PRICKLE1: variants seen among roughly 807,000 people sequenced by gnomAD.
The protein encoded by PRICKLE1 is prickle-like protein 1.
In PRICKLE1, 14 loss-of-function variants were observed where a neutral mutation model predicts 70.2. The ratio of observed to expected loss-of-function variants is 0.20; its 90% CI spans 0.13 to 0.31. The LOEUF is 0.31. Ranked by LOEUF, PRICKLE1 falls within the 10% of genes least tolerant of loss-of-function variation. The pLI is 1.00. For synonymous variants in PRICKLE1, 357 were observed against 379.9 expected, an observed-to-expected ratio of 0.94 and a Z score of 0.70; for missense variants, 821 against 1,026.2, an observed-to-expected ratio of 0.80 and a Z score of 2.73.
chr12:42,559,899 C>CCA (rs1230754478), intron 1 of PRICKLE1, among the ~76,000 whole-genome samples: 13 of 151,614 alleles, frequency 8.6e-5, no homozygotes, highest in Admixed American at 5.9e-4. Flanking sequence ...AGTTTGGAGC[C>CCA]TGTGCTGAAG....
At chr12:42,564,382 G>A (rs1337085897) in intron 1 of PRICKLE1, among the ~76,000 whole-genome samples, 3 of 152,040 alleles carry the variant, frequency 2.0e-5, no homozygotes, top group Non-Finnish European at 2.9e-5. Flanking sequence ...TGAGGCAGGC[G>A]GATCACCTGA....
At chr12:42,504,653 G>A (rs1312632300) in intron 1 of PRICKLE1, among the ~76,000 whole-genome samples, 1 of 152,188 alleles carries the variant, frequency 6.6e-6, no homozygotes, top group African/African-American at 2.4e-5. Flanking sequence ...GGATACAGAG[G>A]TGTCTCAGGC....
intron 1 of PRICKLE1, among the ~76,000 whole-genome samples, chr12:42,477,213 A>G (rs1938575976): frequency 6.6e-6 from 1 of 151,676 alleles, no homozygotes; most frequent in Non-Finnish European, 1.5e-5. Context: ...TCTCTACTAA[A>G]AATACAAAAT....
chr12:42,567,796 C>CAA (rs34315516), intron 1 of PRICKLE1, among the ~76,000 whole-genome samples: 2,185 of 118,300 alleles, frequency 0.018, 51 homozygotes, highest in African/African-American at 0.054. Context: ...CACTTCATCT[C>CAA]AAAAAAAAAA....
intron 1 of PRICKLE1, among the ~76,000 whole-genome samples, chr12:42,588,586 AC>A (rs969918689): frequency 1.3e-5 from 2 of 150,844 alleles, no homozygotes; most frequent in Non-Finnish European, 3.0e-5. Context: ...TGCCGCTGAT[AC>A]CCTTTTAAAA....
chr12:42,526,258 G>A lies in PRICKLE1; in HGVS notation c.-48-53694C>T, dbSNP rs140287800. Among the ~76,000 whole-genome samples the A allele has an allele frequency of 1.3e-3, 202 of 151,634 alleles. 2 individuals carry two copies. Among genetic ancestry groups the A allele is most frequent in the African/African-American group, 4.3e-3 (179 of 41,300 alleles). The stretch of plus-strand genomic sequence containing the variant: ...AATCTTTTTTCTTTTTTTTTTAAAT[G>A]CTGTATTTGAAAAGCTTTACAACCT... On this transcript the variant is annotated intron_variant, in intron 1 of 7. Transcript: ENST00000345127.
intron 1 of PRICKLE1, among the ~76,000 whole-genome samples, chr12:42,587,500 G>T (rs536696506): frequency 1.3e-5 from 2 of 152,286 alleles, no homozygotes; most frequent in Non-Finnish European, 2.9e-5. Context: ...AGCACCTTTC[G>T]GTTTTAATAT....
chr12:42,470,723 CG>C (rs1938287391), intron 2 of PRICKLE1, among the ~76,000 whole-genome samples: 1 of 152,044 alleles, frequency 6.6e-6, no homozygotes, highest in Non-Finnish European at 1.5e-5. Flanking sequence ...CTGACCAACA[CG>C]GTGAAACCCT....
In PRICKLE1 at chr12:42,521,659, C is replaced by T. The variant is rs575334893; in HGVS notation, c.-48-49095G>A. 5.3e-5 allele frequency among the ~76,000 whole-genome samples: 8 copies of T among 152,000 alleles called. No individual in the cohort carries two copies. In the South Asian group the frequency reaches 1.7e-3, roughly 32 times the overall value. ...GAGGTGGCAGTGAGCTGAGATTGCA[C>T]CACTGCACTCCAGCTTGGGTGACAG... is the stretch of plus-strand genomic sequence containing the variant. On this transcript the variant is annotated intron_variant, in intron 1 of 7. Transcript: ENST00000345127.
rs1169709352 is a variant in PRICKLE1, at chr12:42,460,153, C to T, written c.2152G>A (p.Ala718Thr). 6 of 1,614,058 alleles carry T rather than the reference C, an allele frequency of 3.7e-6. No individual in the cohort carries two copies. Among genetic ancestry groups the T allele is most frequent in the Non-Finnish European group, 4.2e-6 (5 of 1,180,030 alleles). The change falls in exon 8 of 8, where the codon GCC becomes ACC. Residue 718 changes from alanine to threonine, a missense_variant. Transcript: ENST00000345127. ...TGGATGTATGCTTGGATCTCCCGGG[C>T]ACTTTTATTCTGTATAAATTTCTCA... ...NYEKFIQNKS[A>T]REIQAYIQNA... is the part of the protein sequence containing the mutation.
Position 42,470,226 on chromosome 12 carries a change from C to T in PRICKLE1, c.246+20G>A, listed in dbSNP as rs747238949. On this transcript the variant is annotated intron_variant, in intron 3 of 7. Coordinates refer to ENST00000345127, the MANE Select transcript of PRICKLE1 (RefSeq NM_153026.3). ...ATTTTTTCTTCTTTTTTCTAATTAG[C>T]CTTCTTCCTGCTATTTTACCTCATT... The T allele has an allele frequency of 6.6e-7, 1 of 1,516,226 alleles. No individual in the cohort carries two copies. The highest frequency in any genetic ancestry group is 2.3e-5 in the East Asian group (1 of 44,394). 93.9% of individuals were successfully genotyped at this position (1,516,226 alleles called of 1,614,324 possible).
chr12:42,573,860 A>T (rs759174866), intron 1 of PRICKLE1, among the ~76,000 whole-genome samples: 1 of 152,224 alleles, frequency 6.6e-6, no homozygotes, highest in African/African-American at 2.4e-5. Context: ...TAAAATTATT[A>T]TGTGTGGCAG....
intron 1 of PRICKLE1, among the ~76,000 whole-genome samples, chr12:42,474,705 T>TTC (rs1378717957): frequency 6.6e-6 from 1 of 152,136 alleles, no homozygotes; most frequent in Non-Finnish European, 1.5e-5. Flanking sequence ...GAACCAGAGG[T>TTC]TAAGAATTTA....
intron 1 of PRICKLE1, among the ~76,000 whole-genome samples, chr12:42,554,088 G>C (rs934435686): frequency 5.9e-5 from 9 of 152,168 alleles, no homozygotes; most frequent in Non-Finnish European, 8.8e-5. Context: ...TGGGCGACAA[G>C]AGTGAGACTC....
At chr12:42,580,280 G>T (rs1940876844) in intron 1 of PRICKLE1, among the ~76,000 whole-genome samples, 1 of 152,176 alleles carries the variant, frequency 6.6e-6, no homozygotes, top group Non-Finnish European at 1.5e-5. Context: ...TGCTCAAAAA[G>T]TGAGGAAACA....
intron 1 of PRICKLE1, among the ~76,000 whole-genome samples, chr12:42,564,086 G>A (rs1027367510): frequency 7.3e-5 from 11 of 151,444 alleles, no homozygotes; most frequent in Non-Finnish European, 1.5e-4. Flanking sequence ...GTGAAACCCC[G>A]TCTCTACTAA....
In PRICKLE1 at chr12:42,474,149, G is replaced by A. The variant is rs575947545; in HGVS notation, c.-48-1585C>T. Reference sequence around the variant, plus strand: ...TAGCCAGGCGTGGTGGTGGGTGCCTGTAATCCCAGCTACTCGGGAGGCTGA... The same window carrying A: ...TAGCCAGGCGTGGTGGTGGGTGCCTATAATCCCAGCTACTCGGGAGGCTGA... On this transcript the variant is annotated intron_variant, in intron 1 of 7. Coordinates refer to ENST00000345127, the MANE Select transcript of PRICKLE1 (RefSeq NM_153026.3). Among the ~76,000 whole-genome samples the A allele has an allele frequency of 9.0e-4, 137 of 152,274 alleles. 1 individual carries two copies. Among genetic ancestry groups the A allele is most frequent in the Non-Finnish European group, 1.7e-3 (116 of 68,028 alleles).
chr12:42,571,071 T>C (rs1940703836), intron 1 of PRICKLE1, among the ~76,000 whole-genome samples: 1 of 152,210 alleles, frequency 6.6e-6, no homozygotes, highest in African/African-American at 2.4e-5. Context: ...TCTTAACACA[T>C]ACAAAACGTT....
At chr12:42,553,160 C>T (rs1469965742) in intron 1 of PRICKLE1, among the ~76,000 whole-genome samples, 2 of 150,964 alleles carry the variant, frequency 1.3e-5, no homozygotes, top group Admixed American at 6.6e-5. Context: ...TTTTTTTTCT[C>T]GGCCGGGCTT....
Sources: gnomAD v4.1 joint callset for allele counts (sites outside exome capture counted in the v4.1 genomes callset) on GRCh38, gnomAD v4.1.1 for gene constraint, MANE v1.5 for transcripts, NCBI Gene and HGNC (gene_info 2026-07-23, HGNC 2026-07-21) for gene names.